Variants in SNX29 observed in about 807,000 individuals in gnomAD.
SNX29 encodes sorting nexin-29.
SNX29 carries 78 observed loss-of-function variants against 102.1 expected under a neutral mutation model. That is an observed-to-expected ratio of 0.76 (90% CI 0.64 to 0.92). SNX29 has a LOEUF of 0.92. Among genes scored for constraint, SNX29 ranks in the 40% least tolerant of loss-of-function variants. The pLI is 0.00. For missense variants in SNX29, 1,280 were observed against 1,061.7 expected (o/e 1.21, Z -2.86); for synonymous variants, 580 against 414.5 (o/e 1.40, Z -4.85).
At chr16:12,507,374 AG>A (rs1325425702) in intron 19 of SNX29, among the ~76,000 whole-genome samples, 33 of 152,360 alleles carry the variant, frequency 2.2e-4, no homozygotes, top group Non-Finnish European at 3.8e-4. Flanking sequence ...CTGTGGTCCC[AG>A]GTCTGGACAG....
chr16:12,041,915 T>C (rs1342324993), intron 4 of SNX29, among the ~76,000 whole-genome samples: 4 of 152,178 alleles, frequency 2.6e-5, no homozygotes, highest in African/African-American at 9.7e-5. Flanking sequence ...AAAAGAAAAG[T>C]GCAGTAAAAA....
intron 19 of SNX29, among the ~76,000 whole-genome samples, chr16:12,503,211 C>T (rs1408172922): frequency 8.5e-5 from 13 of 152,134 alleles, no homozygotes; most frequent in African/African-American, 2.9e-4. Flanking sequence ...CCTTCCAGTT[C>T]GTCCTCCTTT....
At chr16:12,150,755 G>T (rs543179320) in intron 13 of SNX29, among the ~76,000 whole-genome samples, 47 of 152,232 alleles carry the variant, frequency 3.1e-4, no homozygotes, top group Non-Finnish European at 5.7e-4. Context: ...TCACCAGCAA[G>T]GTCACAGCCT....
chr16:12,572,647 A>G lies in SNX29; in HGVS notation c.*4018A>G, dbSNP rs562938638. ...GAATCCATCCTTCATTCCTCCACCAAGCTCCTGTGTGAGCTGCAGCACCCA... is the reference window on the plus strand; with the variant it reads ...GAATCCATCCTTCATTCCTCCACCAGGCTCCTGTGTGAGCTGCAGCACCCA... On this transcript the variant is annotated 3_prime_UTR_variant, in exon 21 of 21. Transcript: ENST00000566228. The G allele has an allele frequency of 8.6e-5, 91 of 1,063,644 alleles. No individual in the cohort carries two copies. The South Asian group carries it at 3.2e-3, about 37-fold the overall frequency. 65.9% of individuals were successfully genotyped at this position (1,063,644 alleles called of 1,614,324 possible).
At chr16:12,500,215 C>G (rs2089046462) in intron 19 of SNX29, among the ~76,000 whole-genome samples, 1 of 152,116 alleles carries the variant, frequency 6.6e-6, no homozygotes, top group African/African-American at 2.4e-5. Context: ...ACAGGCTGGT[C>G]TTGAACTTCT....
At chr16:12,058,793 C>T (rs1336397592) in intron 8 of SNX29, among the ~76,000 whole-genome samples, 1 of 135,538 alleles carries the variant, frequency 7.4e-6, no homozygotes, top group Non-Finnish European at 1.5e-5. Flanking sequence ...AGCACCCGGC[C>T]TGGGTTTTTT....
At chr16:12,441,154 C>A (rs143905080) in intron 18 of SNX29, among the ~76,000 whole-genome samples, 1 of 140,558 alleles carries the variant, frequency 7.1e-6, no homozygotes, top group African/African-American at 2.6e-5. Flanking sequence ...GTGGCGCTAT[C>A]TCGGCTCACT....
At chr16:12,144,225 C>G (rs2054969492) in intron 13 of SNX29, among the ~76,000 whole-genome samples, 2 of 152,082 alleles carry the variant, frequency 1.3e-5, no homozygotes, top group South Asian at 2.1e-4. Context: ...TAGCTCAGAA[C>G]CAAGTTGGGA....
chr16:12,061,407 T>C (rs1057138475), intron 8 of SNX29, 121 bp from the exon 9 acceptor site: 35 of 739,874 alleles, frequency 4.7e-5, no homozygotes, highest in Non-Finnish European at 7.6e-5. Flanking sequence ...CACACCTCCT[T>C]CTGTTCTCAG....
At position 12,477,727 on chromosome 16, in the gene SNX29, C is replaced by T. The variant is rs765477066; in HGVS notation, c.2046C>T (p.Ile682=). Residue 682 remains isoleucine (I), a synonymous_variant, in exon 19 of 21, where the codon ATC becomes ATT. Transcript: ENST00000566228. ...TTTCTCTTTCTTGACAGGTCTACAT[C>T]CGGATAAAAGACGATGAATGGAATA... is the stretch of plus-strand genomic sequence containing the variant. ...ANAFHVYQVY[I]RIKDDEWNIY... is the part of the protein sequence containing the mutation. 8.1e-6 allele frequency: 13 copies of T among 1,611,586 alleles called. No homozygotes were observed. In the South Asian group the frequency reaches 1.4e-4, roughly 18 times the overall value.
intron 14 of SNX29, among the ~76,000 whole-genome samples, chr16:12,231,624 A>G (rs1369076789): frequency 6.6e-6 from 1 of 152,154 alleles, no homozygotes. Context: ...GAATTTCCCC[A>G]TGTTTCTAGT....
intron 14 of SNX29, among the ~76,000 whole-genome samples, chr16:12,212,263 A>G (rs778890510): frequency 1.3e-5 from 2 of 152,174 alleles, no homozygotes; most frequent in Non-Finnish European, 2.9e-5. Context: ...CATGAGTCAC[A>G]TGGGGAGCCA....
At chr16:12,125,801 T>A (rs944806307) in intron 11 of SNX29, among the ~76,000 whole-genome samples, 2 of 151,956 alleles carry the variant, frequency 1.3e-5, no homozygotes, top group Non-Finnish European at 2.9e-5. Flanking sequence ...CAGGCAAGCA[T>A]TGCTGTCTCT....
intron 20 of SNX29, among the ~76,000 whole-genome samples, chr16:12,537,611 C>T (rs374307891): frequency 2.0e-5 from 3 of 152,092 alleles, no homozygotes; most frequent in Non-Finnish European, 4.4e-5. Context: ...CACTTCAGTC[C>T]CAAAATGATT....
rs185638841 is a variant in SNX29, at chr16:12,570,521, G to A, written c.*1892G>A. The A allele has an allele frequency of 7.0e-3, 1,640 of 232,624 alleles. 16 individuals are homozygous for A. Among genetic ancestry groups the A allele is most frequent in the Non-Finnish European group, 9.3e-3 (1,098 of 117,700 alleles). The allele number at this position is 232,624 out of a possible 1,614,324, so 14.4% of individuals were successfully genotyped here. On this transcript the variant is annotated 3_prime_UTR_variant, in exon 21 of 21. Transcript: ENST00000566228. ...CTTAGGTTGGGTTTATGCCACATCGGTCATTTTGAAGTAGGTGTTTGATGC... is the reference window on the plus strand; with the variant it reads ...CTTAGGTTGGGTTTATGCCACATCGATCATTTTGAAGTAGGTGTTTGATGC...
intron 18 of SNX29, among the ~76,000 whole-genome samples, chr16:12,453,614 C>T (rs1301516416): frequency 6.6e-6 from 1 of 151,994 alleles, no homozygotes; most frequent in Non-Finnish European, 1.5e-5. Context: ...CTCCTGGTCT[C>T]AAGCAGTCCT....
At chr16:12,041,882 A>G (rs1325031090) in intron 4 of SNX29, among the ~76,000 whole-genome samples, 4 of 152,216 alleles carry the variant, frequency 2.6e-5, no homozygotes, top group Non-Finnish European at 4.4e-5. Flanking sequence ...TTCAGCCTAC[A>G]GCAAATGTTG....
chr16:12,487,983 G>T (rs949115719), intron 19 of SNX29, among the ~76,000 whole-genome samples: 1 of 152,052 alleles, frequency 6.6e-6, no homozygotes, highest in Non-Finnish European at 1.5e-5. Context: ...AACCACTAAC[G>T]TCATCTTGCC....
At chr16:12,354,388 C>G (rs538394221) in intron 15 of SNX29, among the ~76,000 whole-genome samples, 5 of 152,192 alleles carry the variant, frequency 3.3e-5, no homozygotes, top group African/African-American at 1.2e-4. Context: ...TGGTCAAGTT[C>G]TGCTCTTCTG....
Sources: allele counts gnomAD v4.1 joint callset (sites outside exome capture counted in the v4.1 genomes callset), GRCh38; gene constraint gnomAD v4.1.1; transcripts MANE v1.5; gene names NCBI Gene and HGNC (gene_info 2026-07-23, HGNC 2026-07-21).